The following RNF10 variants were observed in gnomAD, a reference collection of about 807,000 sequenced individuals.
RNF10 encodes the protein ring finger protein 10.
In RNF10, 38 loss-of-function variants were observed where a neutral mutation model predicts 91.4. The observed-to-expected ratio is 0.42, with a 90% CI of 0.32 to 0.54. RNF10 has a LOEUF of 0.54. Among genes scored for constraint, RNF10 ranks in the 20% least tolerant of loss-of-function variants. The pLI is 0.16. For missense variants in RNF10, 945 were observed against 1,012.0 expected (o/e 0.93, Z 0.90); for synonymous variants, 364 against 366.3 (o/e 0.99, Z 0.07).
intron 14 of RNF10, chr12:120,574,393 A>G (rs1296968866): frequency 6.6e-6 from 3 of 454,268 alleles, no homozygotes; most frequent in Non-Finnish European, 1.3e-5. Context: ...CAGCAGTTAC[A>G]AAGCTGGCCT....
intron 1 of RNF10, 98 bp downstream of exon 1, chr12:120,535,066 C>T: frequency 7.5e-7 from 1 of 1,327,454 alleles, no homozygotes; most frequent in East Asian, 2.6e-5. Flanking sequence ...ACAGGCTCCA[C>T]TTTCTTTTAT....
At position 120,571,127 on chromosome 12, in the gene RNF10, C is replaced by G. The variant is rs1876559879; in HGVS notation, c.2042-64C>G. 5.6e-6 allele frequency: 6 copies of G among 1,080,010 alleles called. No homozygotes were observed. The South Asian group carries it at 7.8e-5, about 14-fold the overall frequency. The allele number at this position is 1,080,010 out of a possible 1,614,324, so 66.9% of individuals were successfully genotyped here. A position where few individuals can be genotyped will look rare whatever the true frequency, so the allele number is the denominator to read the frequency against. ...CAGACCTGACTCAGGGCTCACTCAT[C>G]TCTCTTGTTAAGGACACCCCTTGGA... On this transcript the variant is annotated intron_variant, in intron 13 of 16. Coordinates refer to ENST00000325954, the MANE Select transcript of RNF10 (RefSeq NM_014868.5).
At position 120,552,713 on chromosome 12, in the gene RNF10, C is replaced by T; in HGVS notation, c.554+15C>T. 1.9e-6 allele frequency: 3 copies of T among 1,610,246 alleles called. No individual in the cohort carries two copies. The highest frequency in any genetic ancestry group is 2.2e-5 in the South Asian group (2 of 90,872). ...TTACAGGCCAAGTGAGTATTGCTAC[C>T]CCTCAGAGGAAAGGGAAAGTAGGAC... On this transcript the variant is annotated intron_variant, in intron 3 of 16. Transcript: ENST00000325954.
At chr12:120,554,012 C>G (rs368655799) in intron 3 of RNF10, 4 of 150,364 alleles carry the variant, frequency 2.7e-5, no homozygotes, top group Middle Eastern at 3.4e-3. Context: ...TCAAGTGATT[C>G]TCCTGCCTTA....
intron 3 of RNF10, among the ~76,000 whole-genome samples, chr12:120,553,412 T>C (rs1450488981): frequency 6.9e-6 from 1 of 144,828 alleles, no homozygotes; most frequent in Non-Finnish European, 1.5e-5. Context: ...TTTTTTTTTT[T>C]TTTTTTTTGA....
At chr12:120,573,573 C>A (rs567419146) in intron 14 of RNF10, among the ~76,000 whole-genome samples, 1 of 148,900 alleles carries the variant, frequency 6.7e-6, no homozygotes, top group Non-Finnish European at 1.5e-5. Flanking sequence ...TACCCGACGC[C>A]GAGTCATTTA....
At chr12:120,573,436 G>C (rs1876954514) in intron 14 of RNF10, among the ~76,000 whole-genome samples, 2 of 151,942 alleles carry the variant, frequency 1.3e-5, no homozygotes, top group Admixed American at 6.6e-5. Flanking sequence ...ATGGATTCAG[G>C]TTACATTTAA....
At chr12:120,557,773 G>C in intron 6 of RNF10, 91 bp downstream of exon 6, 1 of 1,418,774 alleles carries the variant, frequency 7.0e-7, no homozygotes, top group Non-Finnish European at 9.8e-7. Context: ...GAAGCCTTTG[G>C]GCAGGGCACA....
chr12:120,544,422 C>T (rs1872009837), intron 1 of RNF10, among the ~76,000 whole-genome samples: 1 of 151,258 alleles, frequency 6.6e-6, no homozygotes. Context: ...CTTTGGGAGG[C>T]CGAGCAGATG....
chr12:120,560,916 T>G, intron 7 of RNF10, 30 bp downstream of exon 7: 1 of 1,598,454 alleles, frequency 6.3e-7, no homozygotes, highest in Non-Finnish European at 8.6e-7. Flanking sequence ...ATGCTAAACC[T>G]TTTCACTTTC....
Position 120,552,527 on chromosome 12 carries a change from G to T in RNF10, c.383G>T (p.Ser128Ile). Residue 128 changes from serine (S) to isoleucine (I), a missense_variant, in exon 3 of 17, where the codon AGC (serine) becomes ATC (isoleucine). By Grantham distance (142) the Ser-to-Ile change is moderately radical. Transcript: ENST00000325954. ...EVAEAQRAEF[S>I]PAQFSGPKKI... The stretch of plus-strand genomic sequence containing the variant: ...GCAGAGGCTCAACGGGCAGAGTTTA[G>T]CCCTGCCCAGTTCTCTGGTCCTAAG... The T allele has an allele frequency of 6.2e-7, 1 of 1,614,000 alleles. No homozygotes were observed.
intron 1 of RNF10, among the ~76,000 whole-genome samples, chr12:120,541,459 G>T (rs1358735303): frequency 6.8e-6 from 1 of 146,974 alleles, no homozygotes; most frequent in Non-Finnish European, 1.5e-5. Context: ...TTTTGAGACG[G>T]AGTCTCACTC....
chr12:120,552,013 CTT>C (rs111247951), intron 2 of RNF10, among the ~76,000 whole-genome samples: 12 of 130,618 alleles, frequency 9.2e-5, no homozygotes, highest in Admixed American at 1.6e-4. Flanking sequence ...ATGCTACATA[CTT>C]TTTTTTTTTT....
At position 120,534,633 on chromosome 12, in the gene RNF10, C is replaced by T; in HGVS notation, c.-179C>T. On this transcript the variant is annotated 5_prime_UTR_variant, in exon 1 of 17. Transcript: ENST00000325954. ...TCGCCGCTGCCGCCGGGCTTAACAGCCCCGTCCGCCGCTTCTCTTCCTAGT... is the reference window on the plus strand; with the variant it reads ...TCGCCGCTGCCGCCGGGCTTAACAGTCCCGTCCGCCGCTTCTCTTCCTAGT... The T allele has an allele frequency of 7.5e-7, 1 of 1,335,502 alleles. No individual in the cohort carries two copies. Among genetic ancestry groups the T allele is most frequent in the Non-Finnish European group, 9.6e-7 (1 of 1,046,418 alleles). The allele number at this position is 1,335,502 out of a possible 1,614,324, so 82.7% of individuals were successfully genotyped here.
intron 13 of RNF10, among the ~76,000 whole-genome samples, chr12:120,568,448 T>C (rs1211466119): frequency 6.6e-6 from 1 of 151,988 alleles, no homozygotes; most frequent in Non-Finnish European, 1.5e-5. Context: ...TTTTGTGATC[T>C]TCATCTGCCT....
At chr12:120,548,660 CTT>C (rs5801391) in intron 2 of RNF10, among the ~76,000 whole-genome samples, 8 of 133,302 alleles carry the variant, frequency 6.0e-5, no homozygotes, top group African/African-American at 1.1e-4. Context: ...TTTTTTCTTT[CTT>C]TTTTTTTTTT....
intron 4 of RNF10, among the ~76,000 whole-genome samples, chr12:120,555,105 T>C (rs1873770672): frequency 1.3e-5 from 2 of 152,232 alleles, no homozygotes; most frequent in South Asian, 2.1e-4. Flanking sequence ...CATTGCTTCA[T>C]TGGCAGCCAT....
At chr12:120,545,348 ATT>A (rs36040889) in intron 1 of RNF10, among the ~76,000 whole-genome samples, 14 of 132,338 alleles carry the variant, frequency 1.1e-4, no homozygotes, top group Non-Finnish European at 9.6e-5. Flanking sequence ...TGCCCGGCTA[ATT>A]TTTTTTTTTT....
intron 3 of RNF10, 49 bp downstream of exon 3, chr12:120,552,747 T>C: frequency 6.5e-7 from 1 of 1,537,016 alleles, no homozygotes; most frequent in Non-Finnish European, 8.9e-7. Flanking sequence ...ACTCTCCGGA[T>C]AGCTGTGGTG....
Sources: allele counts gnomAD v4.1 joint callset (sites outside exome capture counted in the v4.1 genomes callset), GRCh38; gene constraint gnomAD v4.1.1; transcripts MANE v1.5; gene names NCBI Gene and HGNC (gene_info 2026-07-23, HGNC 2026-07-21).